UPF1: variants seen among roughly 807,000 people sequenced by gnomAD.
UPF1 encodes the protein UPF1 RNA helicase and ATPase, also known as regulator of nonsense transcripts 1.
In UPF1, 9 loss-of-function variants were observed where a neutral mutation model predicts 129.2. The ratio of observed to expected loss-of-function variants is 0.07; its 90% CI spans 0.04 to 0.12. The LOEUF (loss-of-function observed/expected upper bound fraction) is 0.12, where lower values mean the gene tolerates loss of function less well. Ranked by LOEUF, UPF1 falls within the 10% of genes least tolerant of loss-of-function variation. The pLI is 1.00. For synonymous variants in UPF1, 649 were observed against 644.9 expected, an observed-to-expected ratio of 1.01 and a Z score of -0.10; for missense variants, 788 against 1,525.3, an observed-to-expected ratio of 0.52 and a Z score of 8.05.
At chr19:18,840,287 A>G (rs551560266) in intron 1 of UPF1, among the ~76,000 whole-genome samples, 1 of 152,240 alleles carries the variant, frequency 6.6e-6, no homozygotes, top group East Asian at 1.9e-4. Flanking sequence ...CTGCCAGGGT[A>G]CCGGCTGCCC....
rs1439819511 is a variant in UPF1 at position 18,846,024 on chromosome 19, T to C, written c.276T>C (p.Ser92=). 2 of 1,614,110 alleles carry C rather than the reference T, an allele frequency of 1.2e-6. No homozygotes were observed. Among genetic ancestry groups the C allele is most frequent in the East Asian group, 2.2e-5 (1 of 44,886 alleles). ...TGCAGAACGGGGCTGTGGACGACAG[T>C]GTAGCCAAGACCAGCCAGTTGTTGG... ...GILQNGAVDD[S]VAKTSQLLAE... is the part of the protein sequence containing the mutation. Residue 92 remains serine, a synonymous_variant, in exon 2 of 24, where the codon AGT becomes AGC. Coordinates refer to ENST00000262803, the MANE Select transcript of UPF1 (RefSeq NM_002911.4).
Position 18,865,274 on chromosome 19 carries a change from C to T in UPF1, c.2858-15C>T, listed in dbSNP as rs767352747. ...GAGGCAGGTGACACCTGCCGTGTTCCACTGTGATTTGCAGGCCGGCCTTCC... is the reference window on the plus strand; with the variant it reads ...GAGGCAGGTGACACCTGCCGTGTTCTACTGTGATTTGCAGGCCGGCCTTCC... On this transcript the variant is annotated splice_polypyrimidine_tract_variant and intron_variant, in intron 20 of 23. Coordinates refer to ENST00000262803, the MANE Select transcript of UPF1 (RefSeq NM_002911.4). This position sits in a 1 kb window ranked among gnomAD's most constrained non-coding sequence, Gnocchi z 6.1. 3.1e-6 allele frequency: 5 copies of T among 1,595,228 alleles called. No individual in the cohort carries two copies. Among genetic ancestry groups the T allele is most frequent in the Non-Finnish European group, 8.6e-7 (1 of 1,165,526 alleles).
At chr19:18,852,438 G>A (rs1249128001) in intron 6 of UPF1, 142 bp downstream of exon 6, 6 of 1,265,188 alleles carry the variant, frequency 4.7e-6, no homozygotes, top group South Asian at 2.9e-5. Context: ...TGGAACTTGC[G>A]GATCCGGGCC....
rs770076869 is a variant in UPF1 at position 18,865,375 on chromosome 19, C to T, written c.2944C>T (p.Pro982Ser). The T allele has an allele frequency of 1.2e-6, 2 of 1,614,148 alleles. No individual in the cohort carries two copies. Among genetic ancestry groups the T allele is most frequent in the Admixed American group, 3.3e-5 (2 of 60,034 alleles). Residue 982 changes from proline to serine, a missense_variant, in exon 21 of 24, where the codon CCC (proline) becomes TCC (serine). Coordinates refer to ENST00000262803, the MANE Select transcript of UPF1 (RefSeq NM_002911.4). This position sits in a 1 kb window ranked among gnomAD's most constrained non-coding sequence, Gnocchi z 6.1. ...GPSHVAAMNI[P>S]IPFNLVMPPM... is the part of the protein sequence containing the mutation. Reference sequence around the variant, plus strand: ...TAGCCACGTGGCTGCCATGAACATTCCCATCCCCTTCAACCTGGTCATGCC... The same window carrying T: ...TAGCCACGTGGCTGCCATGAACATTTCCATCCCCTTCAACCTGGTCATGCC...
At chr19:18,860,578 C>T (rs371432113) in intron 16 of UPF1, 140 bp downstream of exon 16, 7 of 948,726 alleles carry the variant, frequency 7.4e-6, no homozygotes, top group South Asian at 1.6e-5. Context: ...GACTCTAAAC[C>T]GTGTTGTTTC....
Position 18,860,403 on chromosome 19 carries a change from G to A in UPF1, c.2265G>A (p.Glu755=), listed in dbSNP as rs747655311. ...TCTTCTACGTGACCCAGGGCCAAGAGGAGATTGCCAGCTCGGGCACCTCCT... is the reference window on the plus strand; with the variant it reads ...TCTTCTACGTGACCCAGGGCCAAGAAGAGATTGCCAGCTCGGGCACCTCCT... The part of the protein sequence containing the change: ...PMFFYVTQGQ[E]EIASSGTSYL... Residue 755 remains glutamate (E), a synonymous_variant, in exon 16 of 24, where the codon GAG becomes GAA. Coordinates refer to ENST00000262803, the MANE Select transcript of UPF1 (RefSeq NM_002911.4). 3.7e-6 allele frequency: 6 copies of A among 1,614,002 alleles called. No individual in the cohort carries two copies. In the African/African-American group the frequency reaches 4.0e-5, roughly 11 times the overall value.
chr19:18,845,941 G>GCTGCAGCCTCACTCAGGTGACA (rs2055591966), intron 1 of UPF1, 39 bp from the exon 2 acceptor site: 2 of 1,609,378 alleles, frequency 1.2e-6, no homozygotes, highest in Non-Finnish European at 1.7e-6. Flanking sequence ...AGTCCTGGAA[G>GCTGCAGCCTCACTCAGGTGACA]CTGCAGCCTC....
chr19:18,864,653 C>T (rs1047917878), intron 20 of UPF1, among the ~76,000 whole-genome samples: 2 of 151,082 alleles, frequency 1.3e-5, no homozygotes, highest in Admixed American at 6.6e-5. Context: ...CAAACTCCTG[C>T]CTCAAGCAGT....
chr19:18,844,299 C>T (rs998804936), intron 1 of UPF1, among the ~76,000 whole-genome samples: 2 of 20,024 alleles, frequency 1.0e-4, no homozygotes, highest in Non-Finnish European at 2.1e-4. Context: ...TTTTGGGGGC[C>T]GGGGGGGGGT....
Position 18,850,679 on chromosome 19 carries a change from G to A in UPF1, c.630-9G>A, listed in dbSNP as rs759767233. 7 of 1,565,826 alleles carry A rather than the reference G, an allele frequency of 4.5e-6. No individual in the cohort carries two copies. Among genetic ancestry groups the A allele is most frequent in the Middle Eastern group, 2.3e-4 (1 of 4,314 alleles). ...GAGCTGGTCCTCACGGCCCCCTCCC[G>A]CTCTGCAGGCAGCCCTGTGCCAGCC... On this transcript the variant is annotated splice_polypyrimidine_tract_variant and intron_variant, in intron 4 of 23. Transcript: ENST00000262803. This position sits in a 1 kb window ranked among gnomAD's most constrained non-coding sequence, Gnocchi z 7.1.
intron 3 of UPF1, chr19:18,849,666 A>G (rs1416392827): frequency 5.1e-6 from 1 of 195,802 alleles, no homozygotes; most frequent in African/African-American, 2.4e-5. Flanking sequence ...CTGAGGAGTG[A>G]TTTCAGAAGA....
Position 18,865,996 on chromosome 19 carries a change from G to T in UPF1, c.3238-48G>T. 1.2e-6 allele frequency: 2 copies of T among 1,609,938 alleles called. No homozygotes were observed. The highest frequency in any genetic ancestry group is 2.2e-5 in the South Asian group (2 of 90,618). On this transcript the variant is annotated intron_variant, in intron 22 of 23. Transcript: ENST00000262803. The surrounding 1 kb of genome is among the most constrained non-coding windows in gnomAD (Gnocchi z 6.1). The stretch of plus-strand genomic sequence containing the variant: ...GGGCTGCTGAGGGCTGGGTGGATGT[G>T]AGCACCCTTGGCCTGTGGCTTGCTT...
chr19:18,851,471 G>A lies in UPF1; in HGVS notation c.810+603G>A, dbSNP rs1490950968. Among the ~76,000 whole-genome samples, 2 of 152,346 alleles carry A rather than the reference G, an allele frequency of 1.3e-5. No homozygotes were observed. The highest frequency in any genetic ancestry group is 3.9e-4 in the East Asian group (2 of 5,188). ...AGAAATCTCACATAGGAAATGAAGT[G>A]CAAGTTAAAATATTTTTTTAAGCAT... On this transcript the variant is annotated intron_variant, in intron 5 of 23. Transcript: ENST00000262803. This position sits in a 1 kb window ranked among gnomAD's most constrained non-coding sequence, Gnocchi z 4.2.
chr19:18,857,181 G>A (rs984901760), intron 14 of UPF1, 139 bp from the exon 15 acceptor site: 22 of 1,467,124 alleles, frequency 1.5e-5, no homozygotes, highest in Non-Finnish European at 1.8e-5. Context: ...CCAGCTGCAC[G>A]TCCAGTGTGC....
chr19:18,861,300 C>T (rs1456097937), intron 17 of UPF1, among the ~76,000 whole-genome samples: 6 of 152,208 alleles, frequency 3.9e-5, no homozygotes, highest in Non-Finnish European at 7.3e-5. Flanking sequence ...CTGTGCCTGC[C>T]ACACACTGGA....
chr19:18,860,342 T>C lies in UPF1; in HGVS notation c.2204T>C (p.Phe735Ser). The C allele has an allele frequency of 6.2e-7, 1 of 1,614,154 alleles. No individual in the cohort carries two copies. Among genetic ancestry groups the C allele is most frequent in the Non-Finnish European group, 8.5e-7 (1 of 1,180,036 alleles). Residue 735 changes from phenylalanine to serine, a missense_variant, in exon 16 of 24, where the codon TTT becomes TCT. Phe to Ser is a radical substitution (Grantham distance 155). Transcript: ENST00000262803. ...ACAGCGGATCGTGTGAAGAAGGGAT[T>C]TGACTTCCAGTGGCCCCAACCCGAT... is the stretch of plus-strand genomic sequence containing the variant. ...VTAADRVKKG[F>S]DFQWPQPDKP...
At position 18,832,284 on chromosome 19, in the gene UPF1, C is replaced by T; in HGVS notation, c.75C>T (p.Gly25=). The change falls in exon 1 of 24, where the codon GGC becomes GGT. Residue 25 remains glycine, a synonymous_variant. Coordinates refer to ENST00000262803, the MANE Select transcript of UPF1 (RefSeq NM_002911.4). The surrounding 1 kb of genome is among the most constrained non-coding windows in gnomAD (Gnocchi z 5.6). Reference sequence around the variant, plus strand: ...ACACGGAGGAGGCCGAGCTGCTTGGCGCCGACACACAGGGCTCCGAGTTCG... The same window carrying T: ...ACACGGAGGAGGCCGAGCTGCTTGGTGCCGACACACAGGGCTCCGAGTTCG... ...FLDTEEAELL[G]ADTQGSEFEF... 1 of 1,544,854 alleles carries T rather than the reference C, an allele frequency of 6.5e-7. No homozygotes were observed. Among genetic ancestry groups the T allele is most frequent in the Non-Finnish European group, 8.7e-7 (1 of 1,144,888 alleles).
At chr19:18,834,049 A>C (rs1320831762) in intron 1 of UPF1, among the ~76,000 whole-genome samples, 1 of 152,020 alleles carries the variant, frequency 6.6e-6, no homozygotes, top group Non-Finnish European at 1.5e-5. Context: ...TGAAGAAGGG[A>C]GTCTGAGCTG....
At position 18,832,999 on chromosome 19, in the gene UPF1, C is replaced by T. The variant is rs1357645779; in HGVS notation, c.231+559C>T. On this transcript the variant is annotated intron_variant, in intron 1 of 23. Transcript: ENST00000262803. This position sits in a 1 kb window ranked among gnomAD's most constrained non-coding sequence, Gnocchi z 5.6. The stretch of plus-strand genomic sequence containing the variant: ...TCAGGCCGGAGCTTGAGTGACTTCC[C>T]TCAGTCCCTTTCCGGGAGTATCCAG... 6.6e-6 allele frequency: 1 copy of T among 152,330 alleles called. No individual in the cohort carries two copies. Among genetic ancestry groups the T allele is most frequent in the Non-Finnish European group, 1.5e-5 (1 of 68,150 alleles). The allele number at this position is 152,330 out of a possible 1,614,324, so 9.4% of individuals were successfully genotyped here.
Sources: gnomAD v4.1 joint callset for allele counts (sites outside exome capture counted in the v4.1 genomes callset) on GRCh38, gnomAD v4.1.1 for gene constraint, Gnocchi (gnomAD v3.1) non-coding constraint, MANE v1.5 for transcripts, NCBI Gene and HGNC (gene_info 2026-07-23, HGNC 2026-07-21) for gene names.